Variants in AGMO observed in about 807,000 individuals in gnomAD.
AGMO encodes the protein glyceryl-ether monooxygenase.
AGMO carries 75 observed loss-of-function variants against 60.2 expected under a neutral mutation model. The ratio of observed to expected loss-of-function variants is 1.25; its 90% CI spans 1.03 to 1.51. The LOEUF is 1.51. AGMO is among the 40% of genes most tolerant of loss of function. The probability of loss-of-function intolerance (pLI) is 0.00; values close to 1 mark genes in which losing one functional copy is unlikely to be tolerated. For synonymous variants in AGMO, 261 were observed against 177.1 expected (o/e 1.47, Z -3.76); for missense variants, 763 against 525.5 (o/e 1.45, Z -4.42).
intron 5 of AGMO, among the ~76,000 whole-genome samples, chr7:15,412,025 C>A (rs1032187983): frequency 2.0e-5 from 3 of 152,096 alleles, no homozygotes; most frequent in African/African-American, 7.2e-5. Context: ...CTCTGCTCAT[C>A]CTGCTACCAC....
chr7:15,136,740 G>A, the AGMO span, among the ~76,000 whole-genome samples: 1 of 151,868 alleles, frequency 6.6e-6, no homozygotes, highest in Non-Finnish European at 1.5e-5. Flanking sequence ...TTATTGTTGT[G>A]TGATGTGTAT....
chr7:15,250,867 C>G (rs540301143), intron 12 of AGMO, among the ~76,000 whole-genome samples: 2 of 151,944 alleles, frequency 1.3e-5, no homozygotes, highest in African/African-American at 2.4e-5. Context: ...ATCGCTTGAA[C>G]CCGGGAGGCA....
Position 15,354,415 on chromosome 7 carries a change from T to TATATATAC in AGMO, c.1263+11098_1263+11099insGTATATAT, listed in dbSNP as rs1563105415. On this transcript the variant is annotated intron_variant, in intron 12 of 12. Transcript: ENST00000342526. ...GTATACACGTGTGTGTACACACGTG[T>TATATATAC]GTGTATACACACACGTGTGTGTATA... Among the ~76,000 whole-genome samples the TATATATAC allele has an allele frequency of 3.7e-3, 86 of 23,092 alleles. 9 individuals carry two copies. The highest frequency in any genetic ancestry group is 4.1e-3 in the Non-Finnish European group (61 of 14,904). The allele number at this position is 23,092 out of a possible 152,430, so 15.1% of individuals were successfully genotyped here.
chr7:15,322,269 A>T (rs986653422), intron 12 of AGMO, among the ~76,000 whole-genome samples: 9 of 148,582 alleles, frequency 6.1e-5, no homozygotes, highest in Non-Finnish European at 1.2e-4. Context: ...GGTACATATC[A>T]TCAGACGCCA....
intron 9 of AGMO, among the ~76,000 whole-genome samples, chr7:15,386,886 G>C (rs112346298): frequency 2.0e-5 from 3 of 151,872 alleles, no homozygotes; most frequent in African/African-American, 7.3e-5. Flanking sequence ...TTTTATTTTT[G>C]GTTTTCAATG....
At chr7:15,444,589 G>A (rs182970916) in intron 3 of AGMO, among the ~76,000 whole-genome samples, 3 of 152,184 alleles carry the variant, frequency 2.0e-5, no homozygotes, top group African/African-American at 4.8e-5. Context: ...TTTGGCTTGA[G>A]TAACATTCTT....
rs568882968 is a variant in AGMO, at chr7:15,419,667, G to A, written c.514-1014C>T. ...ATAAAAATTTCAACTGTCATCATAAGTAGAATGTTTTTTTTTTAATATAAA... is the reference window on the plus strand; with the variant it reads ...ATAAAAATTTCAACTGTCATCATAAATAGAATGTTTTTTTTTTAATATAAA... On this transcript the variant is annotated intron_variant, in intron 4 of 12. Coordinates refer to ENST00000342526, the MANE Select transcript of AGMO (RefSeq NM_001004320.2). Among the ~76,000 whole-genome samples, 4 of 133,370 alleles carry A rather than the reference G, an allele frequency of 3.0e-5. No homozygotes were observed. The East Asian group carries it at 8.3e-4, about 28-fold the overall frequency. The allele number at this position is 133,370 out of a possible 152,430, so 87.5% of individuals were successfully genotyped here.
chr7:15,338,932 G>C (rs955093200), intron 12 of AGMO, among the ~76,000 whole-genome samples: 1 of 152,182 alleles, frequency 6.6e-6, no homozygotes, highest in African/African-American at 2.4e-5. Context: ...TGGTTGGCAA[G>C]TGGGGAGCAG....
intron 3 of AGMO, among the ~76,000 whole-genome samples, chr7:15,440,762 T>C (rs1372275281): frequency 6.6e-6 from 1 of 152,216 alleles, no homozygotes; most frequent in Non-Finnish European, 1.5e-5. Flanking sequence ...GATGAAGTGA[T>C]TCCCTACTAA....
chr7:15,475,045 G>C (rs758140798), intron 3 of AGMO, among the ~76,000 whole-genome samples: 1 of 152,126 alleles, frequency 6.6e-6, no homozygotes, highest in Admixed American at 6.5e-5. Context: ...GGAAACAACA[G>C]ATGCTGGAGA....
intron 12 of AGMO, 123 bp downstream of exon 12, chr7:15,365,391 A>AAAAAAAAAAAAAAAC (rs1782933746): frequency 2.1e-6 from 1 of 481,668 alleles, no homozygotes; most frequent in African/African-American, 2.2e-5. Flanking sequence ...AAAAAAAAAA[A>AAAAAAAAAAAAAAAC]AAAAGATCAA....
the AGMO span, among the ~76,000 whole-genome samples, chr7:15,135,521 GT>G: frequency 6.6e-6 from 1 of 152,126 alleles, no homozygotes; most frequent in African/African-American, 2.4e-5. Flanking sequence ...GAAAAGGGTT[GT>G]TTTAAATCAA....
intron 2 of AGMO, among the ~76,000 whole-genome samples, chr7:15,552,461 A>T (rs2115300507): frequency 1.3e-5 from 2 of 151,446 alleles, no homozygotes; most frequent in South Asian, 2.1e-4. Context: ...AATGAACTCA[A>T]ACAAATTTAC....
chr7:15,136,103 C>G, the AGMO span, among the ~76,000 whole-genome samples: 1 of 150,704 alleles, frequency 6.6e-6, no homozygotes, highest in African/African-American at 2.4e-5. Context: ...AAGCGATTCT[C>G]CTGCCTCAGC....
At chr7:15,322,605 T>A (rs1217447316) in intron 12 of AGMO, among the ~76,000 whole-genome samples, 17 of 40,434 alleles carry the variant, frequency 4.2e-4, no homozygotes, top group East Asian at 1.2e-3. Flanking sequence ...TATATATAAA[T>A]ATATATAAAT....
At chr7:15,324,143 C>G (rs1055474736) in intron 12 of AGMO, among the ~76,000 whole-genome samples, 5 of 152,140 alleles carry the variant, frequency 3.3e-5, no homozygotes, top group Admixed American at 6.6e-5. Context: ...CAGTATTACT[C>G]CAGCGCAGCA....
intron 12 of AGMO, among the ~76,000 whole-genome samples, chr7:15,224,443 TTC>T (rs140122730): frequency 3.3e-5 from 5 of 150,996 alleles, no homozygotes; most frequent in East Asian, 2.0e-4. Flanking sequence ...TGTCCTCTCT[TTC>T]TCTCTCTCTC....
chr7:15,438,803 C>A (rs745999724), intron 3 of AGMO, among the ~76,000 whole-genome samples: 1 of 152,194 alleles, frequency 6.6e-6, no homozygotes, highest in Non-Finnish European at 1.5e-5. Flanking sequence ...AGTAAATATT[C>A]ATTGTGCTAA....
intron 3 of AGMO, among the ~76,000 whole-genome samples, chr7:15,445,019 T>C (rs546347122): frequency 6.6e-6 from 1 of 152,304 alleles, no homozygotes; most frequent in East Asian, 1.9e-4. Flanking sequence ...GATTTCTCTT[T>C]ATGTATTTGT....
Sources: gnomAD v4.1 joint callset for allele counts (sites outside exome capture counted in the v4.1 genomes callset) on GRCh38, gnomAD v4.1.1 for gene constraint, MANE v1.5 for transcripts, NCBI Gene and HGNC (gene_info 2026-07-23, HGNC 2026-07-21) for gene names.